Variants in PDE4D observed in about 807,000 individuals in gnomAD.
The protein encoded by PDE4D is 3',5'-cyclic-AMP phosphodiesterase 4D.
PDE4D carries 24 observed loss-of-function variants against 87.4 expected under a neutral mutation model. The observed-to-expected ratio is 0.27, with a 90% CI of 0.20 to 0.39. The LOEUF (loss-of-function observed/expected upper bound fraction) is 0.39. Among genes scored for constraint, PDE4D ranks in the 10% least tolerant of loss-of-function variants. The pLI, the probability that PDE4D is intolerant of heterozygous loss-of-function variation, is 1.00. For synonymous variants in PDE4D, 384 were observed against 383.2 expected (o/e 1.00, Z -0.02); for missense variants, 714 against 1,041.0 (o/e 0.69, Z 4.32).
At chr5:59,626,923 T>C (rs1389659846) in intron 1 of PDE4D, among the ~76,000 whole-genome samples, 1 of 152,198 alleles carries the variant, frequency 6.6e-6, no homozygotes, top group African/African-American at 2.4e-5. Flanking sequence ...ATAAATATGC[T>C]CCTACTTTGC....
At chr5:59,013,417 G>A (rs1290207876) in intron 6 of PDE4D, among the ~76,000 whole-genome samples, 3 of 152,024 alleles carry the variant, frequency 2.0e-5, no homozygotes, top group Non-Finnish European at 4.4e-5. Flanking sequence ...GACTAATAAA[G>A]AAGAAATGAG....
chr5:59,220,112 C>T (rs917924525), intron 1 of PDE4D, among the ~76,000 whole-genome samples: 2 of 151,918 alleles, frequency 1.3e-5, no homozygotes, highest in African/African-American at 2.4e-5. Flanking sequence ...TAAAGACTTA[C>T]GTGGAAACAC....
At chr5:59,073,794 GAAAT>G (rs1250686842) in intron 5 of PDE4D, among the ~76,000 whole-genome samples, 3 of 152,158 alleles carry the variant, frequency 2.0e-5, no homozygotes, top group African/African-American at 7.2e-5. Context: ...ATCTGAGAAA[GAAAT>G]CTGTTAAGGA....
chr5:59,591,926 T>C (rs1028619406), intron 1 of PDE4D, among the ~76,000 whole-genome samples: 2 of 152,174 alleles, frequency 1.3e-5, no homozygotes, highest in Non-Finnish European at 2.9e-5. Flanking sequence ...CATAAATATA[T>C]ATTTTTTACC....
At chr5:59,625,465 C>A (rs1830792612) in intron 1 of PDE4D, among the ~76,000 whole-genome samples, 1 of 151,584 alleles carries the variant, frequency 6.6e-6, no homozygotes, top group South Asian at 2.1e-4. Context: ...ATAAACCAGC[C>A]CTGTTATCCT....
Position 58,975,135 on chromosome 5 carries a change from G to A in PDE4D, c.2014-55C>T. 3 of 1,104,128 alleles carry A rather than the reference G, an allele frequency of 2.7e-6. No individual in the cohort carries two copies. Among genetic ancestry groups the A allele is most frequent in the Non-Finnish European group, 2.5e-6 (2 of 813,006 alleles). The allele number at this position is 1,104,128 out of a possible 1,614,324, so 68.4% of individuals were successfully genotyped here. On this transcript the variant is annotated intron_variant, in intron 14 of 14. Coordinates refer to ENST00000340635, the MANE Select transcript of PDE4D (RefSeq NM_001104631.2). The surrounding 1 kb of genome is among the most constrained non-coding windows in gnomAD (Gnocchi z 4.2). ...GAGGACTTGGGACTAAGAAACAATG[G>A]AAAAGCTTAATTAGATCATGGCCCA... is the stretch of plus-strand genomic sequence containing the variant.
intron 1 of PDE4D, among the ~76,000 whole-genome samples, chr5:59,695,206 A>C (rs977638873): frequency 6.6e-6 from 1 of 151,748 alleles, no homozygotes; most frequent in Non-Finnish European, 1.5e-5. Context: ...TTTGAAAAAA[A>C]AAAAATATCG....
intron 5 of PDE4D, among the ~76,000 whole-genome samples, chr5:59,064,362 G>A (rs1366550256): frequency 6.6e-6 from 1 of 151,876 alleles, no homozygotes; most frequent in African/African-American, 2.4e-5. Context: ...ACTCTTTCAG[G>A]TGAGCTCTGT....
intron 2 of PDE4D, among the ~76,000 whole-genome samples, chr5:60,181,051 G>A (rs1325702806): frequency 6.6e-6 from 1 of 151,910 alleles, no homozygotes; most frequent in Non-Finnish European, 1.5e-5. Context: ...TATCTTACAG[G>A]GTAATTGTGA....
intron 2 of PDE4D, among the ~76,000 whole-genome samples, chr5:60,174,928 CT>C (rs1306169159): frequency 2.0e-5 from 3 of 151,994 alleles, no homozygotes; most frequent in Admixed American, 1.3e-4. Context: ...GCTTGATATA[CT>C]TGGAGATTTT....
intron 1 of PDE4D, among the ~76,000 whole-genome samples, chr5:59,691,060 G>T (rs1278852980): frequency 6.6e-6 from 1 of 152,218 alleles, no homozygotes; most frequent in Non-Finnish European, 1.5e-5. Flanking sequence ...TCATTAAAAA[G>T]TAAGGAAACA....
intron 1 of PDE4D, among the ~76,000 whole-genome samples, chr5:59,292,971 GAAGT>G (rs1768338154): frequency 2.0e-5 from 3 of 152,196 alleles, no homozygotes. Context: ...CTAATGAGAT[GAAGT>G]AAGTCATCAA....
intron 1 of PDE4D, among the ~76,000 whole-genome samples, chr5:59,502,138 T>C (rs1808392760): frequency 6.6e-6 from 1 of 152,146 alleles, no homozygotes; most frequent in Non-Finnish European, 1.5e-5. Flanking sequence ...GCATTACTCT[T>C]AGAAGAGAGT....
intron 1 of PDE4D, among the ~76,000 whole-genome samples, chr5:59,252,366 G>A (rs1458111784): frequency 6.6e-6 from 1 of 152,098 alleles, no homozygotes; most frequent in African/African-American, 2.4e-5. Flanking sequence ...GGAAGTCTAG[G>A]TTGGAGCACT....
At chr5:59,423,691 C>CA (rs1229796699) in intron 1 of PDE4D, among the ~76,000 whole-genome samples, 4 of 151,402 alleles carry the variant, frequency 2.6e-5, no homozygotes, top group African/African-American at 7.3e-5. Context: ...GAACTCTAGG[C>CA]AAAAAATAGG....
At chr5:59,547,512 C>CT (rs200950190) in intron 1 of PDE4D, among the ~76,000 whole-genome samples, 4,154 of 152,194 alleles carry the variant, frequency 0.027, 189 homozygotes, top group African/African-American at 0.094. Flanking sequence ...TAAACGTTCA[C>CT]TTTTTTCACA....
intron 1 of PDE4D, among the ~76,000 whole-genome samples, chr5:59,395,137 A>G (rs1003370022): frequency 1.2e-4 from 18 of 151,732 alleles, no homozygotes; most frequent in Non-Finnish European, 2.1e-4. Flanking sequence ...ACTGCAAGGC[A>G]GCGGCGAGGC....
intron 1 of PDE4D, among the ~76,000 whole-genome samples, chr5:59,629,511 G>C (rs1831308149): frequency 6.6e-6 from 1 of 151,954 alleles, no homozygotes; most frequent in Non-Finnish European, 1.5e-5. Context: ...AAAATACAGA[G>C]AGAAGGCCAT....
At chr5:60,080,674 G>A (rs1227657173) in intron 2 of PDE4D, among the ~76,000 whole-genome samples, 1 of 152,136 alleles carries the variant, frequency 6.6e-6, no homozygotes, top group East Asian at 1.9e-4. Flanking sequence ...TTATGTCATG[G>A]ATTACATGTA....
Sources: allele counts gnomAD v4.1 joint callset (sites outside exome capture counted in the v4.1 genomes callset), GRCh38; gene constraint gnomAD v4.1.1; non-coding constraint Gnocchi (gnomAD v3.1); transcripts MANE v1.5; gene names NCBI Gene and HGNC (gene_info 2026-07-23, HGNC 2026-07-21).